Variants in GNG12 observed in about 807,000 individuals in gnomAD.
GNG12 encodes the protein G protein subunit gamma 12, also known as guanine nucleotide-binding protein G(I)/G(S)/G(O) subunit gamma-12.
For synonymous variants in GNG12, 28 were observed against 29.7 expected (o/e 0.94, Z 0.19); for missense variants, 69 against 83.8 (o/e 0.82, Z 0.69).
In GNG12 at chr1:67,703,408, T is replaced by C. The variant is rs1646226622; in HGVS notation, c.*2043A>G. ...ATAAAAGTAATTTTTCATGAAAATA[T>C]TTTGAAAGAAGCTACATTATAAATA... is the stretch of plus-strand genomic sequence containing the variant. On this transcript the variant is annotated 3_prime_UTR_variant, in exon 4 of 4. Coordinates refer to ENST00000370982, the MANE Select transcript of GNG12 (RefSeq NM_018841.6). 1 of 152,186 alleles carries C rather than the reference T, an allele frequency of 6.6e-6. No homozygotes were observed. The highest frequency in any genetic ancestry group is 6.5e-5 in the Admixed American group (1 of 15,286). The allele number at this position is 152,186 out of a possible 1,614,324, so 9.4% of individuals were successfully genotyped here. A position where few individuals can be genotyped will look rare whatever the true frequency, so the allele number is the denominator to read the frequency against.
chr1:67,763,288 A>C (rs1021795184), intron 2 of GNG12, among the ~76,000 whole-genome samples: 16 of 152,206 alleles, frequency 1.1e-4, no homozygotes, highest in African/African-American at 3.4e-4. Context: ...TTATCCCAAT[A>C]ATGTCCTTTA....
chr1:67,833,324 G>T lies in GNG12; in HGVS notation c.-77+20C>A. 6.3e-6 allele frequency: 6 copies of T among 945,206 alleles called. No homozygotes were observed. Among genetic ancestry groups the T allele is most frequent in the Non-Finnish European group, 7.6e-6 (6 of 793,050 alleles). The allele number at this position is 945,206 out of a possible 1,614,324, so 58.6% of individuals were successfully genotyped here. ...CGCGGGGACCCGACTCACCACCCGCGCCCGCCGCTTGGTACTCACCCGCCT... is the reference window on the plus strand; with the variant it reads ...CGCGGGGACCCGACTCACCACCCGCTCCCGCCGCTTGGTACTCACCCGCCT... On this transcript the variant is annotated intron_variant, in intron 1 of 3. Transcript: ENST00000370982.
intron 2 of GNG12, among the ~76,000 whole-genome samples, chr1:67,712,418 C>T (rs764442175): frequency 3.3e-5 from 5 of 152,196 alleles, no homozygotes; most frequent in Non-Finnish European, 5.9e-5. Flanking sequence ...AGGCTGGGCA[C>T]GATGGCTCAC....
chr1:67,710,126 T>TTATATATATAGTTA (rs1557592286), intron 2 of GNG12, among the ~76,000 whole-genome samples: 9 of 12,936 alleles, frequency 7.0e-4, no homozygotes, highest in African/African-American at 1.9e-3. Flanking sequence ...ATATATATAG[T>TTATATATATAGTTA]TATATATATA....
chr1:67,813,602 A>G (rs1407540670), intron 1 of GNG12, among the ~76,000 whole-genome samples: 1 of 152,216 alleles, frequency 6.6e-6, no homozygotes, highest in Non-Finnish European at 1.5e-5. Flanking sequence ...TTAAAAGTAG[A>G]GTTAAAATGT....
chr1:67,787,546 G>C (rs1557617657), intron 1 of GNG12, among the ~76,000 whole-genome samples: 1 of 152,176 alleles, frequency 6.6e-6, no homozygotes. Flanking sequence ...AGAATCTCTA[G>C]CATCTTCACA....
At chr1:67,749,270 CCT>C (rs747397700) in intron 2 of GNG12, among the ~76,000 whole-genome samples, 2 of 152,134 alleles carry the variant, frequency 1.3e-5, no homozygotes, top group African/African-American at 2.4e-5. Context: ...TTTCCCTAAA[CCT>C]CTGTTTTTTT....
intron 1 of GNG12, among the ~76,000 whole-genome samples, chr1:67,801,337 A>C (rs1009732586): frequency 6.6e-6 from 1 of 152,224 alleles, no homozygotes; most frequent in African/African-American, 2.4e-5. Context: ...TCACTGAATG[A>C]ATATATGAAT....
chr1:67,773,390 T>G (rs1210702596), intron 2 of GNG12, among the ~76,000 whole-genome samples: 3 of 152,152 alleles, frequency 2.0e-5, no homozygotes, highest in Non-Finnish European at 4.4e-5. Flanking sequence ...CCTATACTAT[T>G]GGATATTTCC....
Position 67,780,341 on chromosome 1 carries a change from C to T in GNG12, c.-76-2834G>A, listed in dbSNP as rs536155112. On this transcript the variant is annotated intron_variant, in intron 1 of 3. Transcript: ENST00000370982. Reference sequence around the variant, plus strand: ...CCAGACAATTTGGTTCTAGACTTCACACTCCATGCCTGCCTCCAACTAGGG... The same window carrying T: ...CCAGACAATTTGGTTCTAGACTTCATACTCCATGCCTGCCTCCAACTAGGG... Among the ~76,000 whole-genome samples, 4 of 152,282 alleles carry T rather than the reference C, an allele frequency of 2.6e-5. No homozygotes were observed. The South Asian group carries it at 6.2e-4, about 24-fold the overall frequency.
intron 2 of GNG12, among the ~76,000 whole-genome samples, chr1:67,758,562 G>A (rs761746265): frequency 6.6e-6 from 1 of 152,190 alleles, no homozygotes; most frequent in African/African-American, 2.4e-5. Flanking sequence ...TATGCACACT[G>A]GAGCACACAT....
intron 2 of GNG12, among the ~76,000 whole-genome samples, chr1:67,719,709 T>C (rs1261591638): frequency 6.6e-6 from 1 of 152,230 alleles, no homozygotes; most frequent in Admixed American, 6.5e-5. Context: ...TCTGCAACTA[T>C]AGGAGGTTGG....
intron 2 of GNG12, among the ~76,000 whole-genome samples, chr1:67,747,212 C>T (rs763413318): frequency 1.1e-4 from 16 of 152,206 alleles, no homozygotes; most frequent in Non-Finnish European, 1.9e-4. Context: ...CTCTGCTTCC[C>T]GGGTTCAAGT....
intron 2 of GNG12, among the ~76,000 whole-genome samples, chr1:67,725,397 T>C (rs931806204): frequency 1.8e-4 from 27 of 152,354 alleles, no homozygotes; most frequent in African/African-American, 6.0e-4. Context: ...CAAACATGTC[T>C]GTACTTTGAA....
intron 1 of GNG12, among the ~76,000 whole-genome samples, chr1:67,778,460 T>C (rs1646719108): frequency 6.6e-6 from 1 of 152,198 alleles, no homozygotes; most frequent in Admixed American, 6.6e-5. Context: ...CTTATTCACC[T>C]ATTTTCCTTC....
intron 2 of GNG12, among the ~76,000 whole-genome samples, chr1:67,735,880 G>A (rs960354779): frequency 6.6e-6 from 1 of 152,184 alleles, no homozygotes; most frequent in African/African-American, 2.4e-5. Context: ...CAGACAGAAA[G>A]TATCTTTGGC....
chr1:67,784,517 T>TA (rs146094766), intron 1 of GNG12, among the ~76,000 whole-genome samples: 41,980 of 150,936 alleles, frequency 0.28, 6,320 homozygotes, highest in Non-Finnish European at 0.34. Flanking sequence ...CAATTTCTAT[T>TA]AAAAAAAAAG....
chr1:67,764,290 G>A (rs1207783750), intron 2 of GNG12, among the ~76,000 whole-genome samples: 1 of 152,086 alleles, frequency 6.6e-6, no homozygotes, highest in African/African-American at 2.4e-5. Context: ...GCTGCAGCTG[G>A]GGGACCAGGA....
intron 1 of GNG12, among the ~76,000 whole-genome samples, chr1:67,818,131 T>C (rs1646964507): frequency 6.7e-6 from 1 of 149,400 alleles, no homozygotes; most frequent in East Asian, 2.0e-4. Context: ...GAAACTATAC[T>C]AGGCTTCGAC....
Sources: allele counts gnomAD v4.1 joint callset (sites outside exome capture counted in the v4.1 genomes callset), GRCh38; gene constraint gnomAD v4.1.1; transcripts MANE v1.5; gene names NCBI Gene and HGNC (gene_info 2026-07-23, HGNC 2026-07-21).